Variants in KCNQ3 observed in about 807,000 individuals in gnomAD.
KCNQ3 encodes potassium voltage-gated channel subfamily Q member 3.
Under a neutral mutation model 92.5 loss-of-function variants are expected in KCNQ3, and 30 were observed. The observed-to-expected ratio is 0.32, with a 90% CI of 0.24 to 0.44. KCNQ3 has a LOEUF of 0.44. KCNQ3 is among the 20% of genes least tolerant of loss of function. The pLI, the probability that KCNQ3 is intolerant of heterozygous loss-of-function variation, is 1.00. For synonymous variants in KCNQ3, 450 were observed against 468.8 expected, an observed-to-expected ratio of 0.96 and a Z score of 0.52; for missense variants, 913 against 1,140.3, an observed-to-expected ratio of 0.80 and a Z score of 2.87.
At chr8:132,477,849 C>T (rs977776979) in intron 1 of KCNQ3, among the ~76,000 whole-genome samples, 1 of 152,190 alleles carries the variant, frequency 6.6e-6, no homozygotes, top group Non-Finnish European at 1.5e-5. Context: ...GCAAAATACC[C>T]AGGGTCCCAC....
intron 2 of KCNQ3, among the ~76,000 whole-genome samples, chr8:132,185,436 T>G (rs2130181297): frequency 6.6e-6 from 1 of 152,340 alleles, no homozygotes; most frequent in East Asian, 1.9e-4. Context: ...AAGCCCTTGT[T>G]AGAGCCTCCT....
intron 1 of KCNQ3, among the ~76,000 whole-genome samples, chr8:132,241,889 T>C (rs143418528): frequency 0.016 from 2,433 of 152,214 alleles, 25 homozygotes; most frequent in Non-Finnish European, 0.025. Flanking sequence ...AGAAGGGTAA[T>C]GGATTATTCT....
At chr8:132,405,961 A>T (rs1475928127) in intron 1 of KCNQ3, among the ~76,000 whole-genome samples, 2 of 152,184 alleles carry the variant, frequency 1.3e-5, no homozygotes, top group African/African-American at 4.8e-5. Context: ...TGAACTAAGC[A>T]GTCAGCCACA....
chr8:132,343,325 G>A (rs1586942894), intron 1 of KCNQ3, among the ~76,000 whole-genome samples: 1 of 152,144 alleles, frequency 6.6e-6, no homozygotes, highest in Admixed American at 6.5e-5. Context: ...CCTTCCCATG[G>A]TGTCTACATG....
At chr8:132,428,852 C>T (rs191268488) in intron 1 of KCNQ3, among the ~76,000 whole-genome samples, 2 of 152,160 alleles carry the variant, frequency 1.3e-5, no homozygotes, top group African/African-American at 4.8e-5. Context: ...AAAAAGAGAC[C>T]ACCCTTCCTC....
At chr8:132,204,153 A>G (rs1813575963) in intron 1 of KCNQ3, among the ~76,000 whole-genome samples, 1 of 152,252 alleles carries the variant, frequency 6.6e-6, no homozygotes, top group Non-Finnish European at 1.5e-5. Flanking sequence ...AAACGGAAGT[A>G]GGTAAAAGTT....
intron 1 of KCNQ3, among the ~76,000 whole-genome samples, chr8:132,293,320 G>T (rs1816913364): frequency 1.3e-5 from 2 of 152,162 alleles, no homozygotes; most frequent in South Asian, 4.1e-4. Flanking sequence ...ACTAGTGTCT[G>T]ACGGGAGGCA....
At chr8:132,459,983 T>C (rs1822026436) in intron 1 of KCNQ3, among the ~76,000 whole-genome samples, 1 of 152,066 alleles carries the variant, frequency 6.6e-6, no homozygotes, top group Non-Finnish European at 1.5e-5. Flanking sequence ...TTGTCTCAAA[T>C]TGTCCCACAT....
At chr8:132,141,371 T>G in intron 9 of KCNQ3, 40 bp from the exon 10 acceptor site, 7 of 1,570,092 alleles carry the variant, frequency 4.5e-6, no homozygotes, top group Non-Finnish European at 6.1e-6. Flanking sequence ...CCTCCTTCAG[T>G]GCAGGCTCTT....
chr8:132,338,008 G>A (rs60739242), intron 1 of KCNQ3, among the ~76,000 whole-genome samples: 3 of 152,140 alleles, frequency 2.0e-5, no homozygotes, highest in Non-Finnish European at 2.9e-5. Context: ...CATAGGGATG[G>A]GCTGGGTAAG....
At chr8:132,476,949 T>C (rs1822426792) in intron 1 of KCNQ3, among the ~76,000 whole-genome samples, 1 of 152,164 alleles carries the variant, frequency 6.6e-6, no homozygotes, top group Non-Finnish European at 1.5e-5. Flanking sequence ...GACTGAATCA[T>C]GTGGGCATAT....
intron 1 of KCNQ3, among the ~76,000 whole-genome samples, chr8:132,253,314 C>A (rs1218518141): frequency 6.6e-6 from 1 of 152,186 alleles, no homozygotes; most frequent in Non-Finnish European, 1.5e-5. Flanking sequence ...ACAGGTCACA[C>A]TTTCTTGGCT....
chr8:132,394,531 T>C (rs762840888), intron 1 of KCNQ3, among the ~76,000 whole-genome samples: 1 of 151,960 alleles, frequency 6.6e-6, no homozygotes, highest in Non-Finnish European at 1.5e-5. Flanking sequence ...ACTTAAAGTG[T>C]GGCCATAATT....
At chr8:132,193,283 T>C (rs1446586287) in intron 1 of KCNQ3, among the ~76,000 whole-genome samples, 4 of 152,236 alleles carry the variant, frequency 2.6e-5, no homozygotes, top group Non-Finnish European at 4.4e-5. Flanking sequence ...ACCTTCAGTA[T>C]TCTTTCCTCA....
At chr8:132,407,758 C>T (rs1171127443) in intron 1 of KCNQ3, among the ~76,000 whole-genome samples, 1 of 152,222 alleles carries the variant, frequency 6.6e-6, no homozygotes, top group Non-Finnish European at 1.5e-5. Flanking sequence ...AAAAATACAT[C>T]TTCCTGGTGC....
chr8:132,292,852 C>A (rs1816897258), intron 1 of KCNQ3, among the ~76,000 whole-genome samples: 1 of 152,136 alleles, frequency 6.6e-6, no homozygotes, highest in Non-Finnish European at 1.5e-5. Context: ...GATCAGAAGA[C>A]CCTAATCCAG....
At chr8:132,157,283 C>A (rs746692015) in intron 9 of KCNQ3, among the ~76,000 whole-genome samples, 1 of 152,296 alleles carries the variant, frequency 6.6e-6, no homozygotes, top group South Asian at 2.1e-4. Flanking sequence ...GAGAAGGCCA[C>A]ATGAACCATA....
intron 1 of KCNQ3, among the ~76,000 whole-genome samples, chr8:132,324,625 C>A (rs991116152): frequency 4.6e-5 from 7 of 152,194 alleles, no homozygotes; most frequent in African/African-American, 1.7e-4. Context: ...CATTAAGCAA[C>A]CATTTGTTGA....
At chr8:132,156,302 C>G (rs1273212574) in intron 9 of KCNQ3, among the ~76,000 whole-genome samples, 2 of 151,850 alleles carry the variant, frequency 1.3e-5, no homozygotes. Context: ...TTTCCACAGA[C>G]AAGAACATGG....
Sources: gnomAD v4.1 joint callset for allele counts (sites outside exome capture counted in the v4.1 genomes callset) on GRCh38, gnomAD v4.1.1 for gene constraint, MANE v1.5 for transcripts, NCBI Gene and HGNC (gene_info 2026-07-23, HGNC 2026-07-21) for gene names.